PSEN1: variants seen among roughly 807,000 people sequenced by gnomAD.
PSEN1 encodes presenilin 1, also known as presenilin-1.
In PSEN1, 15 loss-of-function variants were observed where a neutral mutation model predicts 53.5. That is an observed-to-expected ratio of 0.28 (90% CI 0.19 to 0.43). The LOEUF (loss-of-function observed/expected upper bound fraction) is 0.43, where lower values mean the gene tolerates loss of function less well. PSEN1 is among the 20% of genes least tolerant of loss of function. The pLI, the probability that PSEN1 is intolerant of heterozygous loss-of-function variation, is 1.00. For synonymous variants in PSEN1, 208 were observed against 209.8 expected, an observed-to-expected ratio of 0.99 and a Z score of 0.08; for missense variants, 387 against 571.2, an observed-to-expected ratio of 0.68 and a Z score of 3.29.
Position 73,170,945 on chromosome 14 carries a change from C to T in PSEN1, c.236C>T (p.Ala79Val), listed in dbSNP as rs63749824. The T allele has an allele frequency of 9.3e-6, 15 of 1,614,068 alleles. No homozygotes were observed. The highest frequency in any genetic ancestry group is 1.3e-5 in the African/African-American group (1 of 74,914). The stretch of plus-strand genomic sequence containing the variant: ...GAGGAGCTGACATTGAAATATGGCG[C>T]CAAGCATGTGATCATGCTCTTTGTC... ...EDEELTLKYGAKHVIMLFVPV... is the reference protein window; with the variant it reads ...EDEELTLKYGVKHVIMLFVPV... Residue 79 changes from alanine (A) to valine (V), a missense_variant, in exon 4 of 12, where the codon GCC becomes GTC. By Grantham distance (64) the Ala-to-Val change is moderately conservative (BLOSUM62 0). Coordinates refer to ENST00000324501, the MANE Select transcript of PSEN1 (RefSeq NM_000021.4).
At chr14:73,152,112 C>T (rs538936668) in intron 3 of PSEN1, among the ~76,000 whole-genome samples, 3 of 148,152 alleles carry the variant, frequency 2.0e-5, no homozygotes, top group Admixed American at 1.4e-4. Flanking sequence ...GGGGTTTCAC[C>T]GTGTTAGCCA....
intron 8 of PSEN1, among the ~76,000 whole-genome samples, chr14:73,202,761 C>T (rs745668592): frequency 4.0e-5 from 6 of 151,834 alleles, no homozygotes; most frequent in Non-Finnish European, 8.8e-5. Context: ...CGTGAGCCAC[C>T]GTGCCCAGCC....
At position 73,182,266 on chromosome 14, in the gene PSEN1, AG is replaced by A. The variant is rs546900251; in HGVS notation, c.481-4586del. 4.5e-4 allele frequency among the ~76,000 whole-genome samples: 69 copies of A among 152,238 alleles called. 1 individual carries two copies. The highest frequency in any genetic ancestry group is 1.5e-3 in the African/African-American group (62 of 41,526). On this transcript the variant is annotated intron_variant, in intron 5 of 11. Coordinates refer to ENST00000324501, the MANE Select transcript of PSEN1 (RefSeq NM_000021.4). ...TGGCTGAGACCAGAGGATCACTTGA[AG>A]CCAGGAGTTCAAAACCAGCTTGGGC...
At chr14:73,176,767 A>G (rs1377686184) in intron 5 of PSEN1, among the ~76,000 whole-genome samples, 13 of 152,164 alleles carry the variant, frequency 8.5e-5, no homozygotes, top group Admixed American at 3.9e-4. Context: ...TCCCAGTTTT[A>G]TGGATGAGGC....
intron 5 of PSEN1, among the ~76,000 whole-genome samples, chr14:73,179,552 G>T (rs1468132921): frequency 1.3e-5 from 2 of 152,176 alleles, no homozygotes; most frequent in Non-Finnish European, 2.9e-5. Flanking sequence ...GGGAGGCAGA[G>T]GTTGCAGTGA....
chr14:73,194,092 G>A (rs1244224201), intron 7 of PSEN1, among the ~76,000 whole-genome samples: 4 of 152,172 alleles, frequency 2.6e-5, no homozygotes, highest in African/African-American at 9.7e-5. Flanking sequence ...CATGGGTCCT[G>A]AACAGTTAGA....
At chr14:73,200,756 CAAG>C (rs541233946) in intron 8 of PSEN1, among the ~76,000 whole-genome samples, 147 of 152,126 alleles carry the variant, frequency 9.7e-4, no homozygotes, top group Admixed American at 2.2e-3. Context: ...AAAGCAGTTT[CAAG>C]AAGGAGAGAG....
chr14:73,184,746 A>ACC (rs756405565), intron 5 of PSEN1, among the ~76,000 whole-genome samples: 56 of 74,766 alleles, frequency 7.5e-4, no homozygotes, highest in Middle Eastern at 0.011. Flanking sequence ...CGGGGGGCTG[A>ACC]CCCCCCCCAC....
At chr14:73,215,357 G>A (rs1899869614) in intron 10 of PSEN1, among the ~76,000 whole-genome samples, 1 of 151,806 alleles carries the variant, frequency 6.6e-6, no homozygotes, top group Admixed American at 6.6e-5. Context: ...ACCAAGGTTG[G>A]TGGATCACCT....
intron 5 of PSEN1, among the ~76,000 whole-genome samples, chr14:73,178,851 G>A (rs1346259357): frequency 1.3e-5 from 2 of 152,146 alleles, no homozygotes; most frequent in African/African-American, 4.8e-5. Context: ...GGTCCAGCCA[G>A]CCTTGTCAAA....
intron 7 of PSEN1, among the ~76,000 whole-genome samples, chr14:73,193,954 G>T (rs191218391): frequency 4.2e-4 from 64 of 152,198 alleles, no homozygotes; most frequent in African/African-American, 1.5e-3. Context: ...ACTGCATCTG[G>T]CCTCAATTCA....
intron 10 of PSEN1, among the ~76,000 whole-genome samples, chr14:73,214,630 A>C (rs1265848071): frequency 6.6e-6 from 1 of 152,228 alleles, no homozygotes; most frequent in Non-Finnish European, 1.5e-5. Context: ...AGCTTTAAAA[A>C]GGAAGGGAAT....
chr14:73,150,370 T>C (rs963935519), intron 3 of PSEN1, among the ~76,000 whole-genome samples: 1 of 152,230 alleles, frequency 6.6e-6, no homozygotes, highest in Admixed American at 6.5e-5. Flanking sequence ...GTTACTGTCC[T>C]GAATTGGGTA....
At chr14:73,197,141 G>T (rs903998126) in intron 7 of PSEN1, among the ~76,000 whole-genome samples, 2 of 152,002 alleles carry the variant, frequency 1.3e-5, no homozygotes, top group African/African-American at 4.8e-5. Flanking sequence ...CACCGTGTTA[G>T]CCAGGATGGT....
chr14:73,160,289 G>C (rs1223188467), intron 3 of PSEN1, among the ~76,000 whole-genome samples: 1 of 152,226 alleles, frequency 6.6e-6, no homozygotes, highest in Non-Finnish European at 1.5e-5. Context: ...CCACATATCT[G>C]TGAGTAGACA....
chr14:73,169,094 T>G (rs1897810670), intron 3 of PSEN1: 1 of 152,244 alleles, frequency 6.6e-6, no homozygotes, highest in African/African-American at 2.4e-5. Context: ...GACTTCCCTC[T>G]TCACTGTTTT....
At chr14:73,177,176 G>A (rs942929482) in intron 5 of PSEN1, among the ~76,000 whole-genome samples, 2 of 152,044 alleles carry the variant, frequency 1.3e-5, no homozygotes, top group Non-Finnish European at 1.5e-5. Context: ...TTACTTCTTG[G>A]GAAATTATAT....
intron 1 of PSEN1, among the ~76,000 whole-genome samples, chr14:73,141,148 T>G (rs1896913659): frequency 6.6e-6 from 1 of 152,214 alleles, no homozygotes; most frequent in Non-Finnish European, 1.5e-5. Flanking sequence ...GAGTGGGTAG[T>G]AGACTGCAAC....
At chr14:73,163,320 G>A (rs1465253384) in intron 3 of PSEN1, among the ~76,000 whole-genome samples, 1 of 152,170 alleles carries the variant, frequency 6.6e-6, no homozygotes, top group African/African-American at 2.4e-5. Flanking sequence ...GCTCATGCCT[G>A]TAATCCCAGC....
Sources: gnomAD v4.1 joint callset for allele counts (sites outside exome capture counted in the v4.1 genomes callset) on GRCh38, gnomAD v4.1.1 for gene constraint, MANE v1.5 for transcripts, NCBI Gene and HGNC (gene_info 2026-07-23, HGNC 2026-07-21) for gene names.